The following LAMA1 variants were observed in gnomAD, a reference collection of about 807,000 sequenced individuals.
LAMA1 encodes the protein laminin subunit alpha-1.
Under a neutral mutation model 348.7 loss-of-function variants are expected in LAMA1, and 219 were observed. The observed-to-expected ratio is 0.63, with a 90% CI of 0.56 to 0.70. The LOEUF (loss-of-function observed/expected upper bound fraction) is 0.70, where lower values mean the gene tolerates loss of function less well. Among genes scored for constraint, LAMA1 ranks in the 30% least tolerant of loss-of-function variants. The pLI is 0.00. For synonymous variants in LAMA1, 1,487 were observed against 1,491.0 expected (o/e 1.00, Z 0.06); for missense variants, 3,744 against 3,888.0 (o/e 0.96, Z 0.99).
At chr18:6,964,523 G>T (rs1354367224) in intron 51 of LAMA1, 139 bp downstream of exon 51, 3 of 1,017,580 alleles carry the variant, frequency 2.9e-6, no homozygotes, top group Non-Finnish European at 4.6e-6. Flanking sequence ...CCTTGCTTTT[G>T]GACTTGCAGC....
intron 6 of LAMA1, 59 bp from the exon 7 acceptor site, chr18:7,044,898 T>C (rs2058035831): frequency 1.1e-5 from 14 of 1,283,370 alleles, no homozygotes; most frequent in Non-Finnish European, 1.3e-5. Context: ...GTTTCTTAAT[T>C]TCATGGTAAA....
intron 1 of LAMA1, among the ~76,000 whole-genome samples, chr18:7,094,953 T>A (rs1344257740): frequency 6.6e-6 from 1 of 152,152 alleles, no homozygotes; most frequent in Non-Finnish European, 1.5e-5. Flanking sequence ...AAGTTCTAAA[T>A]GAATAAAAAG....
At chr18:7,038,479 C>A in intron 11 of LAMA1, 1 of 393,916 alleles carries the variant, frequency 2.5e-6, no homozygotes, top group South Asian at 2.2e-5. Context: ...GCCCTCTGGG[C>A]TCCCAGGCCT....
At chr18:6,993,193 A>T (rs2057766233) in intron 35 of LAMA1, among the ~76,000 whole-genome samples, 1 of 152,208 alleles carries the variant, frequency 6.6e-6, no homozygotes, top group African/African-American at 2.4e-5. Flanking sequence ...TAATATAAAA[A>T]GAAGAGCGAT....
intron 49 of LAMA1, 44 bp from the exon 50 acceptor site, chr18:6,965,476 C>G (rs770534614): frequency 6.2e-7 from 1 of 1,610,440 alleles, no homozygotes; most frequent in Non-Finnish European, 8.5e-7. Flanking sequence ...AGCTTTATCC[C>G]AGGTTTCCCT....
chr18:6,991,627 T>C (rs2144072087), intron 36 of LAMA1, among the ~76,000 whole-genome samples: 1 of 152,152 alleles, frequency 6.6e-6, no homozygotes, highest in East Asian at 1.9e-4. Flanking sequence ...TGATCCCAGA[T>C]GATCTGCCCG....
rs777971303 is a variant in LAMA1, at chr18:7,011,285, G to T, written c.3687+15C>A. The T allele has an allele frequency of 6.2e-7, 1 of 1,609,748 alleles. No individual in the cohort carries two copies. Among genetic ancestry groups the T allele is most frequent in the South Asian group, 1.1e-5 (1 of 90,212 alleles). On this transcript the variant is annotated intron_variant, in intron 25 of 62. Transcript: ENST00000389658. ...AGGAAGCACCGACTGGCTCTCGGCT[G>T]GGCGTGCACCTCACCTGGTCTCCTT...
chr18:7,011,197 C>T, intron 25 of LAMA1, 103 bp downstream of exon 25: 2 of 1,283,156 alleles, frequency 1.6e-6, no homozygotes, highest in South Asian at 1.3e-5. Context: ...AAATTAATAA[C>T]TACTTCTTTA....
At chr18:7,042,001 T>C (rs1217019372) in intron 9 of LAMA1, 144 bp downstream of exon 9, 2 of 677,638 alleles carry the variant, frequency 3.0e-6, no homozygotes, top group Admixed American at 2.1e-5. Flanking sequence ...GCCTGACACA[T>C]AGTAGGTGCT....
chr18:7,069,175 T>A (rs1029483070), intron 3 of LAMA1, among the ~76,000 whole-genome samples: 1 of 152,176 alleles, frequency 6.6e-6, no homozygotes, highest in African/African-American at 2.4e-5. Flanking sequence ...TGTTTGGCAA[T>A]CCCCACCGAT....
Position 7,051,273 on chromosome 18 carries a change from T to C in LAMA1, c.346-337A>G, listed in dbSNP as rs80139645. 5.4e-3 allele frequency among the ~76,000 whole-genome samples: 818 copies of C among 152,334 alleles called. 17 individuals are homozygous for C. Among genetic ancestry groups the C allele is most frequent in the Non-Finnish European group, 3.7e-3 (250 of 68,040 alleles). ...GGGTAACTATGTGAAGTGATAAATA[T>C]ATTAATTATCTGGATTGTGATGATT... On this transcript the variant is annotated intron_variant, in intron 3 of 62. Transcript: ENST00000389658.
intron 5 of LAMA1, 50 bp downstream of exon 5, chr18:7,049,028 T>C (rs772930600): frequency 1.9e-6 from 3 of 1,548,046 alleles, no homozygotes; most frequent in South Asian, 1.1e-5. Flanking sequence ...TTCCTTTAAA[T>C]AAAATGAATC....
At position 6,958,561 on chromosome 18, in the gene LAMA1, C is replaced by T. The variant is rs2057591521; in HGVS notation, c.7880G>A (p.Gly2627Glu). The T allele has an allele frequency of 6.2e-7, 1 of 1,614,120 alleles. No individual in the cohort carries two copies. Among genetic ancestry groups the T allele is most frequent in the Non-Finnish European group, 8.5e-7 (1 of 1,179,964 alleles). The part of the protein sequence containing the change: ...TINVSNLYVG[G>E]IPEGEGTSLL... ...TGACGTCCCCTCTCCCTCTGGAATTCCCCCGACGTACAGATTGGACACATT... is the reference window on the plus strand; with the variant it reads ...TGACGTCCCCTCTCCCTCTGGAATTTCCCCGACGTACAGATTGGACACATT... Residue 2627 changes from glycine (G) to glutamate (E), a missense_variant, in exon 55 of 63, where the codon GGA becomes GAA. Physicochemically the swap from Gly to Glu is moderately conservative, Grantham distance 98 (BLOSUM62 -2). Transcript: ENST00000389658.
At chr18:7,047,415 A>T (rs1345952280) in intron 5 of LAMA1, among the ~76,000 whole-genome samples, 1 of 152,172 alleles carries the variant, frequency 6.6e-6, no homozygotes, top group East Asian at 1.9e-4. Context: ...AAACTCTGCC[A>T]AAGAGAATTA....
At chr18:6,980,424 G>T in intron 42 of LAMA1, 97 bp downstream of exon 42, 1 of 857,702 alleles carries the variant, frequency 1.2e-6, no homozygotes, top group Non-Finnish European at 2.0e-6. Flanking sequence ...TTGAGCTAAA[G>T]CCTTTATCAG....
In LAMA1 at chr18:6,973,020, CAATCAGT is replaced by C. The variant is rs780572828; in HGVS notation, c.6774+30_6774+36del. On this transcript the variant is annotated intron_variant, in intron 47 of 62. Transcript: ENST00000389658. The stretch of plus-strand genomic sequence containing the variant: ...ACTTTTATATATAGGTAAAATCAGT[CAATCAGT>C]CCTGTTCAGAAGAACTTTCGTAATG... The C allele has an allele frequency of 4.3e-6, 7 of 1,612,234 alleles. No individual in the cohort carries two copies. In the South Asian group the frequency reaches 7.7e-5, roughly 18 times the overall value.
At chr18:7,002,206 C>T in intron 30 of LAMA1, 58 bp downstream of exon 30, 1 of 1,599,440 alleles carries the variant, frequency 6.3e-7, no homozygotes, top group South Asian at 1.1e-5. Flanking sequence ...GAAAATGAGG[C>T]TGAACTGGAA....
Position 6,982,475 on chromosome 18 carries a change from A to G in LAMA1, c.5890+22T>C, listed in dbSNP as rs1429953321. ...GCTCACGCTCACTCTGCCTGTCTAC[A>G]CCGTCCGAGCCACATACTGACCTGG... On this transcript the variant is annotated intron_variant, in intron 41 of 62. Transcript: ENST00000389658. The G allele has an allele frequency of 5.0e-6, 8 of 1,606,714 alleles. No homozygotes were observed. The Admixed American group carries it at 1.3e-4, about 27-fold the overall frequency.
chr18:7,028,228 C>T (rs1266257505), intron 16 of LAMA1, among the ~76,000 whole-genome samples: 6 of 152,116 alleles, frequency 3.9e-5, no homozygotes, highest in Non-Finnish European at 5.9e-5. Flanking sequence ...ATTAGATTGG[C>T]GTGGGAAGCT....
Sources: allele counts gnomAD v4.1 joint callset (sites outside exome capture counted in the v4.1 genomes callset), GRCh38; gene constraint gnomAD v4.1.1; transcripts MANE v1.5; gene names NCBI Gene and HGNC (gene_info 2026-07-23, HGNC 2026-07-21).